The following MREG variants were observed in gnomAD, a reference collection of about 807,000 sequenced individuals.
MREG encodes melanoregulin.
Under a neutral mutation model 28.5 loss-of-function variants are expected in MREG, and 31 were observed. The observed-to-expected ratio is 1.09, with a 90% CI of 0.82 to 1.47. The LOEUF (loss-of-function observed/expected upper bound fraction) is 1.47. Among genes scored for constraint, MREG ranks in the 40% most tolerant of loss-of-function variants. The pLI is 0.00. For synonymous variants in MREG, 106 were observed against 95.2 expected, an observed-to-expected ratio of 1.11 and a Z score of -0.66; for missense variants, 256 against 257.4, an observed-to-expected ratio of 0.99 and a Z score of 0.04.
At chr2:215,983,502 A>C (rs1174779153) in intron 2 of MREG, among the ~76,000 whole-genome samples, 1 of 152,234 alleles carries the variant, frequency 6.6e-6, no homozygotes, top group Admixed American at 6.5e-5. Context: ...GTCTGTTCCT[A>C]TCTTAAACAT....
At chr2:215,945,156 C>G (rs1336988854) in intron 4 of MREG, among the ~76,000 whole-genome samples, 159 bp from the exon 5 acceptor site, 1 of 152,194 alleles carries the variant, frequency 6.6e-6, no homozygotes, top group African/African-American at 2.4e-5. Flanking sequence ...TAGAGACACG[C>G]CTTAATCCTT....
chr2:215,965,856 G>A (rs1692925040), intron 2 of MREG, among the ~76,000 whole-genome samples: 1 of 152,174 alleles, frequency 6.6e-6, no homozygotes, highest in South Asian at 2.1e-4. Context: ...ATGAAGGCAG[G>A]TGAACCAATC....
intron 2 of MREG, among the ~76,000 whole-genome samples, chr2:215,948,832 G>A (rs987073580): frequency 6.6e-6 from 1 of 152,038 alleles, no homozygotes; most frequent in African/African-American, 2.4e-5. Flanking sequence ...CTTATTGTGA[G>A]GATCAAATGA....
rs1692240903 is a variant in MREG at position 215,943,728 on chromosome 2, C to G, written c.*1135G>C. On this transcript the variant is annotated 3_prime_UTR_variant, in exon 5 of 5. Coordinates refer to ENST00000263268, the MANE Select transcript of MREG (RefSeq NM_018000.3). Reference sequence around the variant, plus strand: ...TGGTGGCACGCGCCTGTAGTTCCAGCTACTCCAGAGGCTGAGGCAGGGGAA... The same window carrying G: ...TGGTGGCACGCGCCTGTAGTTCCAGGTACTCCAGAGGCTGAGGCAGGGGAA... 3.2e-6 allele frequency: 1 copy of G among 314,474 alleles called. No individual in the cohort carries two copies. The highest frequency in any genetic ancestry group is 2.6e-5 in the South Asian group (1 of 37,778). The allele number at this position is 314,474 out of a possible 1,614,324, so 19.5% of individuals were successfully genotyped here. A position where few individuals can be genotyped will look rare whatever the true frequency, so the allele number is the denominator to read the frequency against.
At chr2:215,984,518 CAAAA>C (rs375220091) in intron 2 of MREG, among the ~76,000 whole-genome samples, 9,660 of 67,930 alleles carry the variant, frequency 0.14, 453 homozygotes, top group East Asian at 0.39. Flanking sequence ...ACCTTGTCAC[CAAAA>C]AAAAAAAAAA....
At chr2:215,967,828 T>C (rs918149535) in intron 2 of MREG, among the ~76,000 whole-genome samples, 6 of 152,140 alleles carry the variant, frequency 3.9e-5, no homozygotes, top group African/African-American at 1.4e-4. Flanking sequence ...ATTTGGCCCA[T>C]GTGTCATAGT....
At chr2:216,015,117 A>ACGCGTGTGTGTGCGCGCGTGCATGTGCG (rs1341838149), upstream of MREG, among the ~76,000 whole-genome samples, 13 of 57,248 alleles carry the variant, frequency 2.3e-4, no homozygotes, top group African/African-American at 1.7e-3. Flanking sequence ...GTGTGTGTGC[A>ACGCGTGTGTGTGCGCGCGTGCATGTGCG]CGCGTGTGTG....
At chr2:216,019,993 C>T (rs2105929740) in intron 1 of MREG, among the ~76,000 whole-genome samples, 1 of 152,096 alleles carries the variant, frequency 6.6e-6, no homozygotes, top group East Asian at 1.9e-4. Flanking sequence ...TAATTCTGCC[C>T]TTTTAAAAAG....
At chr2:215,994,368 C>T (rs1467234179) in intron 2 of MREG, among the ~76,000 whole-genome samples, 7 of 151,398 alleles carry the variant, frequency 4.6e-5, no homozygotes, top group Non-Finnish European at 8.8e-5. Context: ...AAAATGAGAA[C>T]ACAGGGACAC....
chr2:216,015,125 G>GTGTGCGCGCGTGCA (rs1000998496), upstream of MREG, among the ~76,000 whole-genome samples: 30 of 152,182 alleles, frequency 2.0e-4, no homozygotes, highest in Middle Eastern at 3.4e-3. Context: ...GCACGCGTGT[G>GTGTGCGCGCGTGCA]TGTGCGCGCG....
intron 1 of MREG, among the ~76,000 whole-genome samples, chr2:216,022,035 C>T (rs1210209147): frequency 6.6e-6 from 1 of 152,140 alleles, no homozygotes; most frequent in Admixed American, 6.5e-5. Context: ...GTCAGGAGTT[C>T]AAGGCCAGCC....
intron 2 of MREG, among the ~76,000 whole-genome samples, chr2:215,970,266 A>G (rs1182100706): frequency 1.3e-5 from 2 of 152,158 alleles, no homozygotes; most frequent in Admixed American, 1.3e-4. Context: ...CCTCCAAGCC[A>G]AGGATGGGGG....
rs1356761442 is a variant in MREG at position 216,004,119 on chromosome 2, C to T, written c.96-7654G>A. Among the ~76,000 whole-genome samples the T allele has an allele frequency of 3.9e-5, 6 of 152,168 alleles. No individual in the cohort carries two copies. In the East Asian group the frequency reaches 1.2e-3, roughly 29 times the overall value. ...TCAAGTCACACTTTGACCTCAGGGCCCTTGCACTGGCTGATCTCCATCTAC... is the reference window on the plus strand; with the variant it reads ...TCAAGTCACACTTTGACCTCAGGGCTCTTGCACTGGCTGATCTCCATCTAC... On this transcript the variant is annotated intron_variant, in intron 1 of 4. Transcript: ENST00000263268.
In MREG at chr2:215,954,476, A is replaced by ACACACACACACT. The variant is rs1559175347; in HGVS notation, c.256-7364_256-7363insAGTGTGTGTGTG. On this transcript the variant is annotated intron_variant, in intron 2 of 4. Coordinates refer to ENST00000263268, the MANE Select transcript of MREG (RefSeq NM_018000.3). ...CACACACACACACACACACACACAC[A>ACACACACACACT]CACACACAAAACAACCAGAAGAGTA... is the stretch of plus-strand genomic sequence containing the variant. Among the ~76,000 whole-genome samples, 59 of 151,884 alleles carry ACACACACACACT rather than the reference A, an allele frequency of 3.9e-4. No individual in the cohort carries two copies. In the East Asian group the frequency reaches 9.5e-3, roughly 24 times the overall value.
chr2:216,009,189 A>T (rs777418509), intron 1 of MREG, among the ~76,000 whole-genome samples: 1 of 152,162 alleles, frequency 6.6e-6, no homozygotes, highest in Non-Finnish European at 1.5e-5. Flanking sequence ...CACCTTATTT[A>T]ATATATATTG....
rs869259776 is a variant in MREG at position 215,943,970 on chromosome 2, C to CTTTTTTTTTTTTTTTTTT, written c.*875_*892dup. On this transcript the variant is annotated 3_prime_UTR_variant, in exon 5 of 5. Coordinates refer to ENST00000263268, the MANE Select transcript of MREG (RefSeq NM_018000.3). The stretch of plus-strand genomic sequence containing the variant: ...AAGTACAACACATGAATACATAACT[C>CTTTTTTTTTTTTTTTTTT]TTTTTTTTTTTTTTTTTTTTTTTTT... 1.5e-5 allele frequency: 1 copy of CTTTTTTTTTTTTTTTTTT among 65,226 alleles called. No homozygotes were observed. The highest frequency in any genetic ancestry group is 6.6e-5 in the African/African-American group (1 of 15,220). The allele number at this position is 65,226 out of a possible 1,614,324, so 4.0% of individuals were successfully genotyped here.
chr2:215,987,901 C>T (rs1693617183), intron 2 of MREG, among the ~76,000 whole-genome samples: 1 of 150,936 alleles, frequency 6.6e-6, no homozygotes, highest in Admixed American at 6.6e-5. Flanking sequence ...GAAACTCCGT[C>T]TCAAAATAAA....
intron 1 of MREG, among the ~76,000 whole-genome samples, chr2:216,030,566 C>T (rs916568473): frequency 9.3e-5 from 14 of 151,328 alleles, no homozygotes; most frequent in Admixed American, 1.3e-4. Flanking sequence ...TTTTTTGAGA[C>T]GGGGTCTCGC....
chr2:215,978,919 C>A (rs1283063077), intron 2 of MREG, among the ~76,000 whole-genome samples: 1 of 152,168 alleles, frequency 6.6e-6, no homozygotes, highest in Non-Finnish European at 1.5e-5. Context: ...AAACCCACAG[C>A]TTAATTACTA....
Sources: allele counts gnomAD v4.1 joint callset (sites outside exome capture counted in the v4.1 genomes callset), GRCh38; gene constraint gnomAD v4.1.1; transcripts MANE v1.5; gene names NCBI Gene and HGNC (gene_info 2026-07-23, HGNC 2026-07-21).